Variants in DPYD observed in about 807,000 individuals in gnomAD.
DPYD encodes dihydropyrimidine dehydrogenase [NADP(+)].
DPYD carries 109 observed loss-of-function variants against 116.2 expected under a neutral mutation model. That is an observed-to-expected ratio of 0.94 (90% CI 0.80 to 1.10). The LOEUF (loss-of-function observed/expected upper bound fraction) is 1.10. Among genes scored for constraint, DPYD ranks in the 50% least tolerant of loss-of-function variants. The pLI, the probability that DPYD is intolerant of heterozygous loss-of-function variation, is 0.00. For synonymous variants in DPYD, 440 were observed against 432.0 expected (o/e 1.02, Z -0.23); for missense variants, 1,302 against 1,254.5 (o/e 1.04, Z -0.57).
At position 97,908,667 on chromosome 1, in the gene DPYD, G is replaced by A. The variant is rs567529612; in HGVS notation, c.39+12217C>T. 3.3e-4 allele frequency among the ~76,000 whole-genome samples: 50 copies of A among 151,898 alleles called. No individual in the cohort carries two copies. The South Asian group carries it at 9.2e-3, about 28-fold the overall frequency. On this transcript the variant is annotated intron_variant, in intron 1 of 22. Transcript: ENST00000370192. ...TAGTCTTGACTTTACCATGATTATC[G>A]CACTATCTCTAAAAGCTTTATTTCA...
At chr1:97,474,116 T>A (rs2101860855) in intron 13 of DPYD, among the ~76,000 whole-genome samples, 1 of 152,146 alleles carries the variant, frequency 6.6e-6, no homozygotes, top group African/African-American at 2.4e-5. Flanking sequence ...GCAATTTTAT[T>A]TCTGGGTGTA....
At chr1:97,670,000 A>G (rs1659770084) in intron 8 of DPYD, among the ~76,000 whole-genome samples, 2 of 152,130 alleles carry the variant, frequency 1.3e-5, no homozygotes. Flanking sequence ...ATCCAACAGT[A>G]CATCTCCTAG....
At chr1:97,729,540 A>G (rs956164985) in intron 4 of DPYD, among the ~76,000 whole-genome samples, 9 of 152,134 alleles carry the variant, frequency 5.9e-5, no homozygotes, top group African/African-American at 2.2e-4. Flanking sequence ...TTTACTAAAT[A>G]AATATTAAAT....
At chr1:97,479,871 T>C (rs1308104109) in intron 13 of DPYD, among the ~76,000 whole-genome samples, 3 of 152,206 alleles carry the variant, frequency 2.0e-5, no homozygotes, top group Admixed American at 6.5e-5. Flanking sequence ...AATGGGATCC[T>C]GATATTATTT....
chr1:97,203,675 A>G (rs56844906), intron 19 of DPYD, among the ~76,000 whole-genome samples: 151 of 13,656 alleles, frequency 0.011, 8 homozygotes, highest in African/African-American at 0.049. Flanking sequence ...CCCCCCCCCC[A>G]AAAAAAAAAA....
At chr1:97,736,606 G>A (rs1182086689) in intron 4 of DPYD, among the ~76,000 whole-genome samples, 4 of 152,118 alleles carry the variant, frequency 2.6e-5, no homozygotes, top group South Asian at 4.1e-4. Context: ...GTGGAAAGAG[G>A]TAATTAGAAT....
chr1:97,781,123 T>G (rs1480725489), intron 3 of DPYD, among the ~76,000 whole-genome samples: 2 of 152,204 alleles, frequency 1.3e-5, no homozygotes, highest in Admixed American at 1.3e-4. Flanking sequence ...TTAGCTACAC[T>G]GCTATGGTTG....
intron 11 of DPYD, among the ~76,000 whole-genome samples, chr1:97,551,069 T>C (rs2786527): frequency 0.025 from 3,812 of 152,220 alleles, 157 homozygotes; most frequent in African/African-American, 0.087. Flanking sequence ...CACTACAGTT[T>C]TTGGAGCAGA....
chr1:97,518,000 T>C (rs981508689), intron 12 of DPYD, among the ~76,000 whole-genome samples: 15 of 152,310 alleles, frequency 9.8e-5, no homozygotes, highest in African/African-American at 3.4e-4. Flanking sequence ...GGCAGATATA[T>C]GTGTAGTTCA....
chr1:97,477,077 C>T (rs1004217115), intron 13 of DPYD, among the ~76,000 whole-genome samples: 1 of 152,156 alleles, frequency 6.6e-6, no homozygotes, highest in Non-Finnish European at 1.5e-5. Flanking sequence ...GTTAGGGTGC[C>T]TGGCAATTTC....
At chr1:97,674,589 C>T (rs1215590695) in intron 8 of DPYD, among the ~76,000 whole-genome samples, 3 of 151,808 alleles carry the variant, frequency 2.0e-5, no homozygotes, top group Non-Finnish European at 2.9e-5. Context: ...GACGAAGGGT[C>T]CATCTCTTCA....
chr1:97,213,365 A>G (rs545980137), intron 19 of DPYD, among the ~76,000 whole-genome samples: 1 of 152,270 alleles, frequency 6.6e-6, no homozygotes, highest in East Asian at 1.9e-4. Flanking sequence ...TTTTTTTATT[A>G]TCATAATTTG....
chr1:97,759,787 C>A (rs1173888673), intron 3 of DPYD, among the ~76,000 whole-genome samples: 2 of 152,026 alleles, frequency 1.3e-5, no homozygotes, highest in African/African-American at 4.8e-5. Context: ...TTGAACATTT[C>A]CTAGATACTT....
chr1:97,275,509 C>A (rs1376657323), intron 18 of DPYD, among the ~76,000 whole-genome samples: 6 of 152,164 alleles, frequency 3.9e-5, no homozygotes, highest in African/African-American at 1.4e-4. Context: ...CCTTATTTTC[C>A]TTTACCTGTA....
intron 4 of DPYD, among the ~76,000 whole-genome samples, chr1:97,724,358 G>T (rs750722583): frequency 1.3e-4 from 16 of 120,252 alleles, no homozygotes; most frequent in East Asian, 1.2e-3. Context: ...GTGTGTGTGT[G>T]TGTGTGTATG....
chr1:97,385,328 A>G (rs1445637920), intron 14 of DPYD, among the ~76,000 whole-genome samples: 2 of 137,850 alleles, frequency 1.5e-5, no homozygotes, highest in East Asian at 2.2e-4. Context: ...AGAGAGAGAG[A>G]GATTAAGGAC....
rs1172274199 is a variant in DPYD at position 97,077,825 on chromosome 1, A to G, written c.*1151T>C. On this transcript the variant is annotated 3_prime_UTR_variant, in exon 23 of 23. Coordinates refer to ENST00000370192, the MANE Select transcript of DPYD (RefSeq NM_000110.4). The stretch of plus-strand genomic sequence containing the variant: ...AAATATGCATTTCTAAAAGTGCATA[A>G]TGAAACATTTTATTTTTCTAGCTCT... The G allele has an allele frequency of 6.6e-6, 1 of 152,154 alleles. No homozygotes were observed. Among genetic ancestry groups the G allele is most frequent in the Admixed American group, 6.6e-5 (1 of 15,254 alleles). The allele number at this position is 152,154 out of a possible 1,614,324, so 9.4% of individuals were successfully genotyped here.
At chr1:97,167,029 T>G (rs1160589015) in intron 20 of DPYD, among the ~76,000 whole-genome samples, 2 of 151,742 alleles carry the variant, frequency 1.3e-5, no homozygotes, top group Non-Finnish European at 2.9e-5. Flanking sequence ...AAATAGGAAT[T>G]TTTTTTATAG....
Position 97,144,039 on chromosome 1 carries a change from G to C in DPYD, c.2623-45407C>G, listed in dbSNP as rs1557890296. 3.9e-5 allele frequency among the ~76,000 whole-genome samples: 6 copies of C among 152,190 alleles called. No homozygotes were observed. In the South Asian group the frequency reaches 8.3e-4, roughly 21 times the overall value. ...ATCAAACCCTGCTATGCATCACCATGAAACAAATATCAAATAAAGGATAAG... is the reference window on the plus strand; with the variant it reads ...ATCAAACCCTGCTATGCATCACCATCAAACAAATATCAAATAAAGGATAAG... On this transcript the variant is annotated intron_variant, in intron 20 of 22. Coordinates refer to ENST00000370192, the MANE Select transcript of DPYD (RefSeq NM_000110.4).
Sources: gnomAD v4.1 joint callset for allele counts (sites outside exome capture counted in the v4.1 genomes callset) on GRCh38, gnomAD v4.1.1 for gene constraint, MANE v1.5 for transcripts, NCBI Gene and HGNC (gene_info 2026-07-23, HGNC 2026-07-21) for gene names.